CADM2: variants seen among roughly 807,000 people sequenced by gnomAD.
The protein encoded by CADM2 is immunoglobulin superfamily member 4D.
In CADM2, 12 loss-of-function variants were observed where a neutral mutation model predicts 49.8. The ratio of observed to expected loss-of-function variants is 0.24; its 90% CI spans 0.15 to 0.39. CADM2 has a LOEUF of 0.39. CADM2 is among the 10% of genes least tolerant of loss of function. CADM2 has a pLI of 1.00. For missense variants in CADM2, 378 were observed against 492.3 expected (o/e 0.77, Z 2.20); for synonymous variants, 214 against 175.4 (o/e 1.22, Z -1.74).
At chr3:85,801,666 T>C (rs1455159255) in intron 2 of CADM2, among the ~76,000 whole-genome samples, 1 of 152,192 alleles carries the variant, frequency 6.6e-6, no homozygotes, top group East Asian at 1.9e-4. Context: ...TCTACTGCTT[T>C]AGAGAGTTCA....
At chr3:85,353,646 C>T (rs1312242032) in intron 1 of CADM2, among the ~76,000 whole-genome samples, 1 of 151,420 alleles carries the variant, frequency 6.6e-6, no homozygotes, top group Non-Finnish European at 1.5e-5. Context: ...TTAACAACCA[C>T]TCATGTGGTT....
intron 1 of CADM2, among the ~76,000 whole-genome samples, chr3:85,353,189 C>T (rs534786478): frequency 7.9e-5 from 12 of 151,998 alleles, no homozygotes; most frequent in African/African-American, 2.9e-4. Context: ...ACTAGAATTC[C>T]AAAGCTCAAG....
At chr3:85,742,082 A>T (rs756357204) in intron 2 of CADM2, among the ~76,000 whole-genome samples, 6 of 152,212 alleles carry the variant, frequency 3.9e-5, no homozygotes, top group Non-Finnish European at 7.3e-5. Context: ...GCAGTACCTA[A>T]CGCTTATGGT....
At chr3:85,400,716 G>GAT (rs60186266) in intron 1 of CADM2, among the ~76,000 whole-genome samples, 131,343 of 152,012 alleles carry the variant, frequency 0.86, 56,891 homozygotes, top group East Asian at 0.95. Flanking sequence ...GTTTCTTCTA[G>GAT]TTTCTAGTTT....
chr3:85,083,515 T>G (rs149318923), intron 1 of CADM2, among the ~76,000 whole-genome samples: 192 of 152,220 alleles, frequency 1.3e-3, no homozygotes, highest in African/African-American at 4.1e-3. Context: ...TATAAAGAGA[T>G]CACAGCCTTA....
intron 1 of CADM2, among the ~76,000 whole-genome samples, chr3:85,596,135 A>G (rs1486233026): frequency 6.6e-6 from 1 of 151,750 alleles, no homozygotes; most frequent in Non-Finnish European, 1.5e-5. Flanking sequence ...TTCTTGGCCC[A>G]TCTTTCTGTT....
intron 1 of CADM2, among the ~76,000 whole-genome samples, chr3:85,637,573 CAGT>C (rs1307071213): frequency 1.0e-4 from 14 of 134,186 alleles, no homozygotes; most frequent in African/African-American, 4.1e-4. Flanking sequence ...CTGCAGTCCG[CAGT>C]CCGGCCTGGG....
intron 1 of CADM2, among the ~76,000 whole-genome samples, chr3:85,519,909 C>T (rs760538502): frequency 7.2e-5 from 11 of 151,920 alleles, no homozygotes; most frequent in Non-Finnish European, 1.5e-4. Context: ...AAGGAGATTG[C>T]TTGATGAGGA....
intron 1 of CADM2, among the ~76,000 whole-genome samples, chr3:85,431,258 A>C (rs550358555): frequency 1.8e-3 from 269 of 152,224 alleles, no homozygotes; most frequent in Non-Finnish European, 3.1e-3. Flanking sequence ...TGTTTGCACA[A>C]TCTCAGAACT....
intron 1 of CADM2, among the ~76,000 whole-genome samples, chr3:85,588,370 G>A (rs1261597321): frequency 6.6e-6 from 1 of 151,884 alleles, no homozygotes; most frequent in Non-Finnish European, 1.5e-5. Context: ...TGATTGGAGG[G>A]AAAATACTCA....
intron 1 of CADM2, among the ~76,000 whole-genome samples, chr3:85,552,581 C>A (rs1326288941): frequency 6.6e-6 from 1 of 151,628 alleles, no homozygotes; most frequent in Admixed American, 6.6e-5. Flanking sequence ...GGGTTTTCAC[C>A]GTGTTAGCCA....
chr3:85,209,558 C>T (rs1423370769), intron 1 of CADM2, among the ~76,000 whole-genome samples: 1 of 151,968 alleles, frequency 6.6e-6, no homozygotes, highest in Non-Finnish European at 1.5e-5. Flanking sequence ...TATTACTTCC[C>T]ATCATTTCCC....
intron 1 of CADM2, among the ~76,000 whole-genome samples, chr3:85,419,830 A>G (rs73845500): frequency 0.021 from 3,128 of 152,240 alleles, 103 homozygotes; most frequent in African/African-American, 0.071. Context: ...ATGGTTTTCA[A>G]ACTTTGGTGT....
intron 2 of CADM2, among the ~76,000 whole-genome samples, chr3:85,755,189 C>A (rs1358388277): frequency 6.6e-6 from 1 of 152,162 alleles, no homozygotes; most frequent in Non-Finnish European, 1.5e-5. Flanking sequence ...TCAAGTTACC[C>A]ATACTTGACC....
intron 1 of CADM2, among the ~76,000 whole-genome samples, chr3:85,358,831 G>T (rs2032089859): frequency 6.6e-6 from 1 of 152,090 alleles, no homozygotes. Flanking sequence ...TGTTTTAGTG[G>T]CTGGTTAACC....
At chr3:85,424,885 C>T (rs1409369621) in intron 1 of CADM2, among the ~76,000 whole-genome samples, 3 of 151,988 alleles carry the variant, frequency 2.0e-5, no homozygotes, top group African/African-American at 4.8e-5. Flanking sequence ...TGCTTACATA[C>T]ATTTGCCTGT....
rs71105001 is a variant in CADM2 at position 85,010,851 on chromosome 3, CTTTTTTTTTTTTT to C, written c.61+51201_61+51213del. Among the ~76,000 whole-genome samples, 11 of 35,684 alleles carry C rather than the reference CTTTTTTTTTTTTT, an allele frequency of 3.1e-4. No individual in the cohort carries two copies. In the Admixed American group the frequency reaches 3.6e-3, roughly 12 times the overall value. The allele number at this position is 35,684 out of a possible 152,430, so 23.4% of individuals were successfully genotyped here. A position where few individuals can be genotyped will look rare whatever the true frequency, so the allele number is the denominator to read the frequency against. On this transcript the variant is annotated intron_variant, in intron 1 of 9. Transcript: ENST00000383699. ...TTTTCCCAAATCACTCTGTTTATGTCTTTTTTTTTTTTTTTTTTTTTTTTTTTTTTGAGATGGA... is the reference window on the plus strand; with the variant it reads ...TTTTCCCAAATCACTCTGTTTATGTCTTTTTTTTTTTTTTTTTGAGATGGA...
chr3:85,945,948 G>A (rs1191367559), intron 7 of CADM2, among the ~76,000 whole-genome samples: 1 of 152,036 alleles, frequency 6.6e-6, no homozygotes, highest in African/African-American at 2.4e-5. Flanking sequence ...GCAGGAGAAA[G>A]AAATAAAGGG....
chr3:85,107,703 CT>C (rs60535953), intron 1 of CADM2, among the ~76,000 whole-genome samples: 15,335 of 95,140 alleles, frequency 0.16, 1,050 homozygotes, highest in Middle Eastern at 0.24. Flanking sequence ...CTTTCTCTTT[CT>C]TTTTTTTTTT....
Sources: gnomAD v4.1 joint callset for allele counts (sites outside exome capture counted in the v4.1 genomes callset) on GRCh38, gnomAD v4.1.1 for gene constraint, MANE v1.5 for transcripts, NCBI Gene and HGNC (gene_info 2026-07-23, HGNC 2026-07-21) for gene names.